The following TAPBPL variants were observed in gnomAD, a reference collection of about 807,000 sequenced individuals.
TAPBPL encodes TAP binding protein like.
In TAPBPL, 32 loss-of-function variants were observed where a neutral mutation model predicts 44.8. The ratio of observed to expected loss-of-function variants is 0.71; its 90% CI spans 0.54 to 0.96. The LOEUF is 0.96. TAPBPL is among the 40% of genes least tolerant of loss of function. The pLI, the probability that TAPBPL is intolerant of heterozygous loss-of-function variation, is 0.00. For missense variants in TAPBPL, 520 were observed against 586.6 expected (o/e 0.89, Z 1.17); for synonymous variants, 230 against 240.7 (o/e 0.96, Z 0.41).
intron 5 of TAPBPL, among the ~76,000 whole-genome samples, chr12:6,459,233 T>A (rs1203683765): frequency 6.6e-6 from 1 of 152,192 alleles, no homozygotes; most frequent in Non-Finnish European, 1.5e-5. Context: ...AGGAGCTTAG[T>A]CCAGTAATAG....
chr12:6,452,256 C>T lies in TAPBPL; in HGVS notation c.8C>T (p.Thr3Ile), dbSNP rs1418893749. 6.4e-7 allele frequency: 1 copy of T among 1,573,044 alleles called. No individual in the cohort carries two copies. The highest frequency in any genetic ancestry group is 2.3e-5 in the East Asian group (1 of 43,658). ...AACTCGAGAGCAGCCTCCATGGGCA[C>T]ACAGGAGGGCTGGTGCCTGCTGCTC... Reference protein sequence around the residue: MGTQEGWCLLLCL... With the variant: MGIQEGWCLLLCL... Residue 3 changes from threonine (T) to isoleucine (I), a missense_variant, in exon 1 of 7, where the codon ACA (threonine) becomes ATA (isoleucine). Transcript: ENST00000266556.
chr12:6,460,795 A>G, intron 5 of TAPBPL, 60 bp from the exon 6 acceptor site: 2 of 1,557,052 alleles, frequency 1.3e-6, no homozygotes, highest in Non-Finnish European at 8.9e-7. Context: ...ACTGCAGGTG[A>G]GGGCTCAGCT....
At chr12:6,452,582 T>C in intron 1 of TAPBPL, 1 of 1,353,368 alleles carries the variant, frequency 7.4e-7, no homozygotes, top group Non-Finnish European at 9.5e-7. Flanking sequence ...GGCACTGGCC[T>C]GGGAGCTGAC....
intron 6 of TAPBPL, chr12:6,461,208 T>C (rs1482746733): frequency 7.8e-7 from 1 of 1,283,352 alleles, no homozygotes; most frequent in Non-Finnish European, 1.0e-6. Flanking sequence ...CTAAGTCAAG[T>C]CACAGAGCTA....
At chr12:6,470,616 C>T, downstream of TAPBPL, 2 of 1,575,238 alleles carry the variant, frequency 1.3e-6, no homozygotes, top group Non-Finnish European at 8.7e-7. Context: ...CTGAAGTGGA[C>T]GGAACTGCCA....
At chr12:6,463,965 C>G (rs371394320), downstream of TAPBPL, 4 of 1,290,304 alleles carry the variant, frequency 3.1e-6, no homozygotes. The surrounding 1 kb of genome is among the most constrained non-coding windows in gnomAD (Gnocchi z 4.0). Flanking sequence ...CTTTGGTCCA[C>G]CCCCAGGACC....
Position 6,458,809 on chromosome 12 carries a change from C to T in TAPBPL, c.1069C>T (p.Gln357Ter). Residue 357 changes from glutamine to a stop codon, truncating the protein, a stop_gained, in exon 5 of 7, where the codon CAA (glutamine) becomes TAA (stop). Transcript: ENST00000266556. LOFTEE classifies it high-confidence loss of function. ...VSGASFSSLRQSVAGTYSISS... is the reference protein window; with the variant it reads ...VSGASFSSLR ...TGGTGCCTCCTTCTCCAGCCTCAGG[C>T]AAAGCGTGGCAGGCACCTACAGCAT... The T allele has an allele frequency of 6.2e-7, 1 of 1,614,150 alleles. No homozygotes were observed. The highest frequency in any genetic ancestry group is 8.5e-7 in the Non-Finnish European group (1 of 1,180,042).
intron 4 of TAPBPL, 147 bp downstream of exon 4, chr12:6,457,891 C>A: frequency 1.2e-6 from 1 of 866,418 alleles, no homozygotes; most frequent in Non-Finnish European, 1.7e-6. Flanking sequence ...CATGGAAGCA[C>A]AGATGGCATC....
downstream of TAPBPL, among the ~76,000 whole-genome samples, chr12:6,469,029 G>A (rs1001716393): frequency 2.6e-5 from 4 of 152,168 alleles, no homozygotes; most frequent in African/African-American, 9.7e-5. Context: ...CATTCTCCTT[G>A]ATTAAGTGAA....
rs1949607635 is a variant in TAPBPL at position 6,453,180 on chromosome 12, G to A, written c.178G>A (p.Ala60Thr). The change falls in exon 2 of 7, where the codon GCC (alanine) becomes ACC (threonine). Residue 60 changes from alanine to threonine, a missense_variant. By Grantham distance (58) the Ala-to-Thr change is moderately conservative. Coordinates refer to ENST00000266556, the MANE Select transcript of TAPBPL (RefSeq NM_018009.5). The surrounding 1 kb of genome is among the most constrained non-coding windows in gnomAD (Gnocchi z 4.8). The part of the protein sequence containing the change: ...ALASSEDRAR[A>T]SLVLKQVPVL... ...CGCCAGCAGTGAGGACAGGGCAAGG[G>A]CCTCCCTTGTGCTGAAGCAGGTGCC... is the stretch of plus-strand genomic sequence containing the variant. The A allele has an allele frequency of 4.3e-6, 7 of 1,611,738 alleles. No individual in the cohort carries two copies. In the South Asian group the frequency reaches 7.7e-5, roughly 18 times the overall value.
chr12:6,462,069 T>C lies in TAPBPL; in HGVS notation c.1327T>C (p.Trp443Arg). 6.2e-7 allele frequency: 1 copy of C among 1,613,818 alleles called. No homozygotes were observed. The highest frequency in any genetic ancestry group is 1.1e-5 in the South Asian group (1 of 91,062). ...ACTTGGGCTGCTTCAGGCTGAACGCTGGGAGACCACTTCCTGTGCTGACAC... is the reference window on the plus strand; with the variant it reads ...ACTTGGGCTGCTTCAGGCTGAACGCCGGGAGACCACTTCCTGTGCTGACAC... ...TGLGLLQAERWETTSCADTQS... is the reference protein window; with the variant it reads ...TGLGLLQAERRETTSCADTQS... The change falls in exon 7 of 7, where the codon TGG becomes CGG. Residue 443 changes from tryptophan to arginine, a missense_variant. Trp to Arg is a moderately radical substitution (Grantham distance 101). Transcript: ENST00000266556.
At chr12:6,459,328 T>C (rs1442056167) in intron 5 of TAPBPL, among the ~76,000 whole-genome samples, 2 of 152,230 alleles carry the variant, frequency 1.3e-5, no homozygotes, top group South Asian at 2.1e-4. Flanking sequence ...ATAGAAACAA[T>C]AGCATATATG....
upstream of TAPBPL, chr12:6,451,732 C>T (rs1949552592): frequency 3.5e-6 from 1 of 284,036 alleles, no homozygotes; most frequent in Non-Finnish European, 6.7e-6. Flanking sequence ...CTCCAGCTTC[C>T]TCTCTGAAAT....
At chr12:6,465,360 A>ATATATATATATATACATGTATATATATG (rs1565525912), downstream of TAPBPL, 2 of 187,594 alleles carry the variant, frequency 1.1e-5, no homozygotes, top group Non-Finnish European at 2.1e-5. Flanking sequence ...AGAAAAAAGT[A>ATATATATATATATACATGTATATATATG]TATATATATA....
downstream of TAPBPL, chr12:6,463,678 C>A: frequency 9.2e-7 from 1 of 1,089,438 alleles, no homozygotes; most frequent in African/African-American, 1.7e-5. This position sits in a 1 kb window ranked among gnomAD's most constrained non-coding sequence, Gnocchi z 4.0. Flanking sequence ...ATAAAACTAC[C>A]AGCTAGATGG....
chr12:6,465,427 TAAA>T (rs1949994078), downstream of TAPBPL: 1 of 124,664 alleles, frequency 8.0e-6, no homozygotes, highest in Admixed American at 9.2e-5. Flanking sequence ...TATATATATA[TAAA>T]TGTATATATA....
chr12:6,458,925 C>T lies in TAPBPL; in HGVS notation c.1185C>T (p.Ala395=), dbSNP rs1354917110. 6.2e-7 allele frequency: 1 copy of T among 1,613,964 alleles called. No homozygotes were observed. The highest frequency in any genetic ancestry group is 1.7e-5 in the Admixed American group (1 of 60,018). The change falls in exon 5 of 7, where the codon GCC becomes GCT. Residue 395 remains alanine, a synonymous_variant. Transcript: ENST00000266556. The stretch of plus-strand genomic sequence containing the variant: ...TCTCTCTGGAGGAGCCCCTTGGGGC[C>T]AGCACCCAGGTTGTCCCACCAGGTA... ...THISLEEPLG[A]STQVVPPERR...
chr12:6,462,878 C>T (rs548909077), downstream of TAPBPL: 15 of 1,599,948 alleles, frequency 9.4e-6, no homozygotes, highest in Admixed American at 1.0e-4. Context: ...GAAACAAGGG[C>T]GAAAGGAAAG....
At chr12:6,464,669 G>A (rs768422020), downstream of TAPBPL, 1,657 of 1,470,008 alleles carry the variant, frequency 1.1e-3, 1 homozygote, top group Non-Finnish European at 1.4e-3. Context: ...CAGAACAGGA[G>A]GCGCCATCTC....
Sources: gnomAD v4.1 joint callset for allele counts (sites outside exome capture counted in the v4.1 genomes callset) on GRCh38, gnomAD v4.1.1 for gene constraint, Gnocchi (gnomAD v3.1) non-coding constraint, MANE v1.5 for transcripts, NCBI Gene and HGNC (gene_info 2026-07-23, HGNC 2026-07-21) for gene names.